The following ADCY8 variants were observed in gnomAD, a reference collection of about 807,000 sequenced individuals.
The protein encoded by ADCY8 is adenylate cyclase 8, also known as adenylate cyclase type 8.
In ADCY8, 51 loss-of-function variants were observed where a neutral mutation model predicts 119.7. The ratio of observed to expected loss-of-function variants is 0.43; its 90% CI spans 0.34 to 0.54. The LOEUF is 0.54. Ranked by LOEUF, ADCY8 falls within the 20% of genes least tolerant of loss-of-function variation. ADCY8 has a pLI of 0.03. For synonymous variants in ADCY8, 665 were observed against 651.0 expected (o/e 1.02, Z -0.33); for missense variants, 1,383 against 1,598.8 (o/e 0.87, Z 2.30).
intron 9 of ADCY8, among the ~76,000 whole-genome samples, chr8:130,862,692 C>T (rs764549295): frequency 1.6e-4 from 24 of 152,192 alleles, no homozygotes; most frequent in Non-Finnish European, 3.1e-4. Context: ...GGATTACAGG[C>T]GTGAGCCACC....
In ADCY8 at chr8:130,847,410, T is replaced by A; in HGVS notation, c.2502+14A>T. 1.3e-6 allele frequency: 2 copies of A among 1,579,460 alleles called. No individual in the cohort carries two copies. The highest frequency in any genetic ancestry group is 8.6e-7 in the Non-Finnish European group (1 of 1,157,216). The stretch of plus-strand genomic sequence containing the variant: ...ATGTCCAACTCTCACCAAGGGGAGC[T>A]CATAAATAAATACCTCTGGGTAGGA... On this transcript the variant is annotated intron_variant, in intron 11 of 17. Transcript: ENST00000286355.
At chr8:130,856,573 G>A (rs1817742571) in intron 9 of ADCY8, among the ~76,000 whole-genome samples, 1 of 152,150 alleles carries the variant, frequency 6.6e-6, no homozygotes. Context: ...AGTCCTCATT[G>A]TCTCTTAGGT....
At chr8:130,810,381 C>T (rs1234829205) in intron 14 of ADCY8, among the ~76,000 whole-genome samples, 1 of 150,246 alleles carries the variant, frequency 6.7e-6, no homozygotes, top group Non-Finnish European at 1.5e-5. Flanking sequence ...CACACACACA[C>T]ACACACTAGT....
In ADCY8 at chr8:131,039,842, C is replaced by T; in HGVS notation, c.492G>A (p.Arg164=). The change falls in exon 1 of 18, where the codon CGG becomes CGA. Residue 164 remains arginine, a synonymous_variant. Coordinates refer to ENST00000286355, the MANE Select transcript of ADCY8 (RefSeq NM_001115.3). Reference sequence around the variant, plus strand: ...AGCGCTGGTAGAGGCGTTCCAAATCCCGAGATTTGAAGGAGTTGCGCAGGG... The same window carrying T: ...AGCGCTGGTAGAGGCGTTCCAAATCTCGAGATTTGAAGGAGTTGCGCAGGG... The part of the protein sequence containing the change: ...FPTLRNSFKS[R]DLERLYQRYF... The T allele has an allele frequency of 6.2e-7, 1 of 1,614,160 alleles. No individual in the cohort carries two copies. Among genetic ancestry groups the T allele is most frequent in the Non-Finnish European group, 8.5e-7 (1 of 1,180,022 alleles).
chr8:130,961,283 T>C (rs6986777), intron 2 of ADCY8, among the ~76,000 whole-genome samples: 119,043 of 151,892 alleles, frequency 0.78, 50,073 homozygotes, highest in East Asian at 0.95. Context: ...TAATTTTTTG[T>C]ATTTTTAGTA....
At chr8:130,826,126 G>A (rs960486615) in intron 12 of ADCY8, among the ~76,000 whole-genome samples, 3 of 152,156 alleles carry the variant, frequency 2.0e-5, no homozygotes, top group Non-Finnish European at 4.4e-5. Flanking sequence ...TCCAGAACTG[G>A]CTTTGTCATA....
intron 12 of ADCY8, among the ~76,000 whole-genome samples, chr8:130,827,538 T>C (rs561206249): frequency 2.0e-5 from 3 of 152,238 alleles, no homozygotes; most frequent in Non-Finnish European, 2.9e-5. Flanking sequence ...GCACATCTGC[T>C]GCTGGCCAGT....
At chr8:130,819,716 G>C (rs1816448898) in intron 13 of ADCY8, among the ~76,000 whole-genome samples, 1 of 152,184 alleles carries the variant, frequency 6.6e-6, no homozygotes, top group Non-Finnish European at 1.5e-5. Flanking sequence ...CTCTCCCCTA[G>C]AAATGAAAGC....
chr8:130,873,385 C>A (rs529180788), intron 8 of ADCY8, among the ~76,000 whole-genome samples: 1 of 150,412 alleles, frequency 6.6e-6, no homozygotes, highest in African/African-American at 2.4e-5. Context: ...ATGGTGTGAT[C>A]TCGGCTCAGC....
At chr8:130,898,304 C>T (rs569350902) in intron 7 of ADCY8, among the ~76,000 whole-genome samples, 1 of 131,010 alleles carries the variant, frequency 7.6e-6, no homozygotes, top group South Asian at 2.5e-4. Context: ...ACACCACTCC[C>T]GACATGCTAC....
At chr8:130,944,059 A>G (rs77381948) in intron 3 of ADCY8, among the ~76,000 whole-genome samples, 10,856 of 152,224 alleles carry the variant, frequency 0.071, 547 homozygotes, top group East Asian at 0.26. Context: ...TGTTCTATGT[A>G]TATGGCCTGG....
intron 11 of ADCY8, among the ~76,000 whole-genome samples, chr8:130,846,043 A>C (rs991047451): frequency 6.6e-6 from 1 of 152,142 alleles, no homozygotes; most frequent in Non-Finnish European, 1.5e-5. Context: ...CAGGTGCTCT[A>C]TGCAAATGGA....
chr8:130,996,295 C>A (rs1204698490), intron 1 of ADCY8, among the ~76,000 whole-genome samples: 6 of 151,934 alleles, frequency 3.9e-5, no homozygotes, highest in Non-Finnish European at 7.4e-5. Flanking sequence ...TTATTACAAT[C>A]AAAATCCCAT....
At chr8:130,912,163 C>A (rs968844790) in intron 5 of ADCY8, among the ~76,000 whole-genome samples, 1 of 152,142 alleles carries the variant, frequency 6.6e-6, no homozygotes, top group African/African-American at 2.4e-5. Context: ...TGACTATGTA[C>A]CCTTCCCTGT....
chr8:130,989,605 C>T (rs114565892), intron 2 of ADCY8, among the ~76,000 whole-genome samples: 1,723 of 152,122 alleles, frequency 0.011, 41 homozygotes, highest in African/African-American at 0.04. Flanking sequence ...CAAGTTGATG[C>T]TAAAATCAGT....
At chr8:131,035,866 T>C (rs1824136302) in intron 1 of ADCY8, among the ~76,000 whole-genome samples, 1 of 152,170 alleles carries the variant, frequency 6.6e-6, no homozygotes, top group African/African-American at 2.4e-5. Context: ...TATTCCAGTG[T>C]TTATGGCTTT....
At position 130,780,871 on chromosome 8, in the gene ADCY8, C is replaced by A; in HGVS notation, c.3275G>T (p.Ser1092Ile). Residue 1092 changes from serine (S) to isoleucine (I), a missense_variant, in exon 18 of 18, where the codon AGC becomes ATC. Physicochemically the swap from Ser to Ile is moderately radical, Grantham distance 142 (BLOSUM62 -2). This residue lies in a region of ADCY8 where 928 missense variants were observed against 1,163.5 expected (regional missense o/e 0.80). Coordinates refer to ENST00000286355, the MANE Select transcript of ADCY8 (RefSeq NM_001115.3). ...AACGCCAGCTACCACTGAGCCGTGG[C>A]TGATGCCTGGGGGGTGAAGCAAAGG... ...FNNFELRIGI[S>I]HGSVVAGVIG... 1 of 1,613,210 alleles carries A rather than the reference C, an allele frequency of 6.2e-7. No individual in the cohort carries two copies. The highest frequency in any genetic ancestry group is 8.5e-7 in the Non-Finnish European group (1 of 1,179,302).
intron 1 of ADCY8, among the ~76,000 whole-genome samples, chr8:131,000,707 C>G (rs1034410461): frequency 6.6e-6 from 1 of 152,118 alleles, no homozygotes; most frequent in Admixed American, 6.5e-5. Flanking sequence ...AACCCCATGG[C>G]TGAGTCTCTG....
intron 2 of ADCY8, among the ~76,000 whole-genome samples, chr8:130,989,206 T>C (rs1206683406): frequency 2.6e-5 from 4 of 152,188 alleles, no homozygotes; most frequent in African/African-American, 9.7e-5. Context: ...TTTTGTAAAG[T>C]CAAAGTAAGA....
Sources: allele counts gnomAD v4.1 joint callset (sites outside exome capture counted in the v4.1 genomes callset), GRCh38; gene constraint gnomAD v4.1.1; regional missense constraint gnomAD v4.1.1; transcripts MANE v1.5; gene names NCBI Gene and HGNC (gene_info 2026-07-23, HGNC 2026-07-21).